The following IKZF2 variants were observed in gnomAD, a reference collection of about 807,000 sequenced individuals.
IKZF2 encodes the protein zinc finger protein Helios.
IKZF2 carries 15 observed loss-of-function variants against 49.2 expected under a neutral mutation model. The observed-to-expected ratio is 0.30, with a 90% CI of 0.20 to 0.47. The LOEUF (loss-of-function observed/expected upper bound fraction) is 0.47, where lower values mean the gene tolerates loss of function less well. IKZF2 is among the 20% of genes least tolerant of loss of function. The pLI is 1.00. For missense variants in IKZF2, 567 were observed against 664.6 expected (o/e 0.85, Z 1.61); for synonymous variants, 227 against 221.4 (o/e 1.03, Z -0.23).
intron 4 of IKZF2, among the ~76,000 whole-genome samples, chr2:213,115,193 G>A (rs757657967): frequency 1.3e-5 from 2 of 152,104 alleles, no homozygotes; most frequent in Admixed American, 6.5e-5. Context: ...TATTCGATAC[G>A]TTTACTGAAG....
chr2:213,046,793 T>C (rs1204004128), intron 6 of IKZF2, among the ~76,000 whole-genome samples: 1 of 152,130 alleles, frequency 6.6e-6, no homozygotes, highest in African/African-American at 2.4e-5. Context: ...GTGAAGGCTG[T>C]TAGTAATCTG....
At chr2:213,033,164 T>C (rs928759030) in intron 6 of IKZF2, among the ~76,000 whole-genome samples, 1 of 152,232 alleles carries the variant, frequency 6.6e-6, no homozygotes, top group Non-Finnish European at 1.5e-5. Context: ...TCACATTTTA[T>C]AACGAGACTG....
chr2:213,044,779 A>C (rs767492601), intron 6 of IKZF2, among the ~76,000 whole-genome samples: 4 of 152,222 alleles, frequency 2.6e-5, no homozygotes, highest in Non-Finnish European at 5.9e-5. Flanking sequence ...CTTAAGCCTC[A>C]AGGCAAATAA....
chr2:213,075,272 A>G (rs1703134915), intron 4 of IKZF2, among the ~76,000 whole-genome samples: 1 of 141,262 alleles, frequency 7.1e-6, no homozygotes, highest in African/African-American at 2.4e-5. Context: ...ATCTATTGGC[A>G]CATGCTGTAT....
At chr2:213,106,309 T>C (rs1433702246) in intron 4 of IKZF2, among the ~76,000 whole-genome samples, 1 of 152,074 alleles carries the variant, frequency 6.6e-6, no homozygotes, top group Non-Finnish European at 1.5e-5. Context: ...CTTGCGCCTG[T>C]TTTTTAAAGG....
intron 6 of IKZF2, among the ~76,000 whole-genome samples, chr2:213,025,379 C>G (rs1697705088): frequency 6.6e-6 from 1 of 152,096 alleles, no homozygotes; most frequent in African/African-American, 2.4e-5. Context: ...CTTTCAATGT[C>G]TGAGTGAATC....
rs1172287416 is a variant in IKZF2 at position 213,005,194 on chromosome 2, G to A, written c.*2166C>T. 7.5e-6 allele frequency: 1 copy of A among 133,246 alleles called. No homozygotes were observed. Among genetic ancestry groups the A allele is most frequent in the Non-Finnish European group, 1.6e-5 (1 of 61,488 alleles). The allele number at this position is 133,246 out of a possible 1,614,324, so 8.3% of individuals were successfully genotyped here. A position where few individuals can be genotyped will look rare whatever the true frequency, so the allele number is the denominator to read the frequency against. On this transcript the variant is annotated 3_prime_UTR_variant, in exon 9 of 9. Coordinates refer to ENST00000434687, the MANE Select transcript of IKZF2 (RefSeq NM_001387220.1). ...TTATTATTTGGGAGTGGTTGGGTGG[G>A]GGGGGGTGAGCGAGTCTCAAAAACA...
intron 6 of IKZF2, among the ~76,000 whole-genome samples, chr2:213,028,697 A>G (rs553733236): frequency 2.6e-5 from 4 of 152,116 alleles, no homozygotes; most frequent in Admixed American, 6.5e-5. Context: ...AATACATTTG[A>G]TTTAATCTCA....
At chr2:213,130,837 T>C (rs2060452290) in intron 4 of IKZF2, among the ~76,000 whole-genome samples, 1 of 152,078 alleles carries the variant, frequency 6.6e-6, no homozygotes, top group Admixed American at 6.5e-5. Flanking sequence ...TAACACAAAA[T>C]TTTTTTGTAA....
intron 4 of IKZF2, among the ~76,000 whole-genome samples, chr2:213,058,092 G>C (rs73075296): frequency 0.021 from 3,255 of 152,180 alleles, 114 homozygotes; most frequent in African/African-American, 0.075. Context: ...CTTGATTAGA[G>C]GAAATATTTT....
chr2:213,124,909 ATG>A (rs1356990904), intron 4 of IKZF2, among the ~76,000 whole-genome samples: 1 of 152,176 alleles, frequency 6.6e-6, no homozygotes, highest in Non-Finnish European at 1.5e-5. Flanking sequence ...AGCAACTTAA[ATG>A]TAATTAATTG....
chr2:213,021,913 A>G lies in IKZF2; in HGVS notation c.712+80T>C. On this transcript the variant is annotated intron_variant, in intron 7 of 8. Transcript: ENST00000434687. Reference sequence around the variant, plus strand: ...TTAAAGTGATCTAAAATAGTTTTAAACAGCATAAGATTTTATCTTCATGTT... The same window carrying G: ...TTAAAGTGATCTAAAATAGTTTTAAGCAGCATAAGATTTTATCTTCATGTT... 2.8e-6 allele frequency: 4 copies of G among 1,442,862 alleles called. No homozygotes were observed. In the South Asian group the frequency reaches 4.1e-5, roughly 15 times the overall value. The allele number at this position is 1,442,862 out of a possible 1,614,324, so 89.4% of individuals were successfully genotyped here. A position where few individuals can be genotyped will look rare whatever the true frequency, so the allele number is the denominator to read the frequency against.
intron 6 of IKZF2, among the ~76,000 whole-genome samples, chr2:213,026,770 CCTG>C (rs1697862508): frequency 6.6e-6 from 1 of 151,552 alleles, no homozygotes; most frequent in Non-Finnish European, 1.5e-5. Flanking sequence ...TATTTTATAA[CCTG>C]CTTATTTTAC....
At chr2:213,032,347 G>A (rs1698529881) in intron 6 of IKZF2, among the ~76,000 whole-genome samples, 1 of 152,128 alleles carries the variant, frequency 6.6e-6, no homozygotes, top group African/African-American at 2.4e-5. Flanking sequence ...TAGAAGTTAT[G>A]TTTATATCAT....
intron 4 of IKZF2, among the ~76,000 whole-genome samples, chr2:213,070,606 C>G (rs1702594002): frequency 1.3e-5 from 2 of 152,100 alleles, no homozygotes; most frequent in Non-Finnish European, 2.9e-5. Context: ...ACACTAGACA[C>G]TGTTAAGTAT....
chr2:213,001,507 T>A lies in IKZF2; in HGVS notation c.*5853A>T, dbSNP rs1694902502. The A allele has an allele frequency of 6.6e-6, 1 of 151,576 alleles. No individual in the cohort carries two copies. The highest frequency in any genetic ancestry group is 2.4e-5 in the African/African-American group (1 of 41,396). 9.4% of individuals were successfully genotyped at this position (151,576 alleles called of 1,614,324 possible). A position where few individuals can be genotyped will look rare whatever the true frequency, so the allele number is the denominator to read the frequency against. The stretch of plus-strand genomic sequence containing the variant: ...CCAATATTTGAAAGTGAAAGTAACA[T>A]GAGGGTTACATAGCTTACTATTTTT... On this transcript the variant is annotated 3_prime_UTR_variant, in exon 9 of 9. Coordinates refer to ENST00000434687, the MANE Select transcript of IKZF2 (RefSeq NM_001387220.1).
intron 6 of IKZF2, among the ~76,000 whole-genome samples, chr2:213,036,206 T>C (rs938230755): frequency 5.9e-5 from 9 of 152,094 alleles, no homozygotes; most frequent in African/African-American, 2.2e-4. Context: ...AATAATACAT[T>C]GTTGCCAAAC....
At position 213,117,956 on chromosome 2, in the gene IKZF2, T is replaced by C. The variant is rs1343378535; in HGVS notation, c.139+29752A>G. Among the ~76,000 whole-genome samples, 4 of 152,194 alleles carry C rather than the reference T, an allele frequency of 2.6e-5. No individual in the cohort carries two copies. The East Asian group carries it at 5.8e-4, about 22-fold the overall frequency. ...GTTGTCATACAAAAAACATGAGCAT[T>C]TTTTTCCTTTTAGCATTCAGTTCTA... On this transcript the variant is annotated intron_variant, in intron 4 of 8. Coordinates refer to ENST00000434687, the MANE Select transcript of IKZF2 (RefSeq NM_001387220.1).
chr2:213,121,968 A>G (rs2060073290), intron 4 of IKZF2, among the ~76,000 whole-genome samples: 1 of 152,196 alleles, frequency 6.6e-6, no homozygotes, highest in South Asian at 2.1e-4. Flanking sequence ...AATAAATAAT[A>G]GAGAGTGTAA....
Sources: allele counts gnomAD v4.1 joint callset (sites outside exome capture counted in the v4.1 genomes callset), GRCh38; gene constraint gnomAD v4.1.1; transcripts MANE v1.5; gene names NCBI Gene and HGNC (gene_info 2026-07-23, HGNC 2026-07-21).